KCTD1: variants seen among roughly 807,000 people sequenced by gnomAD.
The protein encoded by KCTD1 is potassium channel tetramerization domain containing 1.
KCTD1 carries 24 observed loss-of-function variants against 66.0 expected under a neutral mutation model. The ratio of observed to expected loss-of-function variants is 0.36; its 90% CI spans 0.26 to 0.51. KCTD1 has a LOEUF of 0.51. Among genes scored for constraint, KCTD1 ranks in the 20% least tolerant of loss-of-function variants. KCTD1 has a pLI of 0.95. For missense variants in KCTD1, 943 were observed against 1,205.2 expected (o/e 0.78, Z 3.22); for synonymous variants, 511 against 517.2 (o/e 0.99, Z 0.16).
chr18:26,655,573 CGAA>C (rs1382759323), intron 1 of KCTD1, among the ~76,000 whole-genome samples: 1 of 152,182 alleles, frequency 6.6e-6, no homozygotes, highest in Non-Finnish European at 1.5e-5. Context: ...CACCTTTTAG[CGAA>C]GAAGCCAGTG....
chr18:26,630,553 G>T (rs1312025424), upstream of KCTD1, among the ~76,000 whole-genome samples: 2 of 152,128 alleles, frequency 1.3e-5, no homozygotes, highest in African/African-American at 4.8e-5. Context: ...TGGACTCTTA[G>T]GAATTTGAGA....
chr18:26,631,427 A>G (rs888874320), upstream of KCTD1, among the ~76,000 whole-genome samples: 2 of 152,198 alleles, frequency 1.3e-5, no homozygotes, highest in Admixed American at 1.3e-4. Flanking sequence ...TGAATACTGT[A>G]GGCAATAGTA....
chr18:26,531,935 C>T (rs1984452400), intron 1 of KCTD1, among the ~76,000 whole-genome samples: 1 of 152,156 alleles, frequency 6.6e-6, no homozygotes, highest in Non-Finnish European at 1.5e-5. Context: ...CTTTTGATTC[C>T]ATCAGTAATA....
At chr18:26,593,853 GAA>G (rs1298173168) in intron 1 of KCTD1, among the ~76,000 whole-genome samples, 65 of 147,860 alleles carry the variant, frequency 4.4e-4, no homozygotes, top group African/African-American at 1.6e-3. Context: ...AGACAAGGAG[GAA>G]GAGGAGAACA....
intron 2 of KCTD1, among the ~76,000 whole-genome samples, chr18:26,496,740 GCACACACACACA>G (rs111233653): frequency 6.8e-6 from 1 of 148,094 alleles, no homozygotes; most frequent in Non-Finnish European, 1.5e-5. Context: ...AAAAGCATGT[GCACACACACACA>G]CACACACACA....
In KCTD1 at chr18:26,596,952, C is replaced by T. The variant is rs147875814; in HGVS notation, c.-16+32195G>A. On this transcript the variant is annotated intron_variant, in intron 1 of 4. Transcript: ENST00000317932. Reference sequence around the variant, plus strand: ...TGATTTCCTCTTTCCCATCCACTTTCCTTCTTGAAAAATTTGGTTGTAACA... The same window carrying T: ...TGATTTCCTCTTTCCCATCCACTTTTCTTCTTGAAAAATTTGGTTGTAACA... Among the ~76,000 whole-genome samples the T allele has an allele frequency of 3.1e-3, 479 of 152,148 alleles. 2 individuals are homozygous for T. Among genetic ancestry groups the T allele is most frequent in the African/African-American group, 0.011 (455 of 41,508 alleles).
At chr18:26,615,322 A>G (rs1987226337) in intron 1 of KCTD1, among the ~76,000 whole-genome samples, 2 of 152,172 alleles carry the variant, frequency 1.3e-5, no homozygotes, top group African/African-American at 4.8e-5. Flanking sequence ...TTTATGGAGC[A>G]AGGGTGGGTT....
intron 1 of KCTD1, among the ~76,000 whole-genome samples, chr18:26,528,420 A>T (rs1037707999): frequency 2.0e-5 from 3 of 151,822 alleles, no homozygotes; most frequent in African/African-American, 7.3e-5. Context: ...AAAGCCAATC[A>T]CTCCACCTGT....
chr18:26,585,133 A>G (rs1986444353), intron 1 of KCTD1, among the ~76,000 whole-genome samples: 1 of 152,142 alleles, frequency 6.6e-6, no homozygotes, highest in Non-Finnish European at 1.5e-5. Flanking sequence ...GGAGCCAAAG[A>G]GAAAAGTGAA....
At chr18:26,460,288 T>C (rs768634039) in intron 3 of KCTD1, among the ~76,000 whole-genome samples, 8 of 152,330 alleles carry the variant, frequency 5.3e-5, no homozygotes, top group Middle Eastern at 3.4e-3. Flanking sequence ...TTTCTTTTAG[T>C]AGAAAAAATG....
chr18:26,621,250 T>C lies in KCTD1; in HGVS notation c.-16+7897A>G, dbSNP rs151288431. ...TAAGGGTGCTACTTACTCGTTTGGA[T>C]GAATGTGGTCGGGTCCTCTGATTAT... On this transcript the variant is annotated intron_variant, in intron 1 of 4. Coordinates refer to the KCTD1 transcript ENST00000317932. 9.1e-3 allele frequency among the ~76,000 whole-genome samples: 1,381 copies of C among 152,302 alleles called. 28 individuals carry two copies. Among genetic ancestry groups the C allele is most frequent in the African/African-American group, 0.032 (1,317 of 41,560 alleles).
chr18:26,507,037 G>T (rs896055222), intron 1 of KCTD1, among the ~76,000 whole-genome samples: 4 of 152,088 alleles, frequency 2.6e-5, no homozygotes, highest in African/African-American at 9.7e-5. Flanking sequence ...GTGGTGGCAG[G>T]TGCCTGTAAT....
chr18:26,546,842 C>G lies in KCTD1; in HGVS notation c.1695G>C (p.Ala565=). ...LCIRPSEPVD[A]VVVVSVKHDP... ...CGTGTTTCACGGAAACCACCACCACCGCATCCACAGGCTCCGAGGGGCGGA... is the reference window on the plus strand; with the variant it reads ...CGTGTTTCACGGAAACCACCACCACGGCATCCACAGGCTCCGAGGGGCGGA... The change falls in exon 1 of 5, where the codon GCG becomes GCC. Residue 565 remains alanine (A), a synonymous_variant. Transcript: ENST00000580059. 6.6e-7 allele frequency: 1 copy of G among 1,525,130 alleles called. No homozygotes were observed. Among genetic ancestry groups the G allele is most frequent in the Non-Finnish European group, 8.8e-7 (1 of 1,136,802 alleles). 94.5% of individuals were successfully genotyped at this position (1,525,130 alleles called of 1,614,324 possible).
intron 1 of KCTD1, among the ~76,000 whole-genome samples, chr18:26,613,168 A>G (rs1464880723): frequency 6.6e-6 from 1 of 152,324 alleles, no homozygotes; most frequent in Middle Eastern, 3.4e-3. Flanking sequence ...GACTCAGCAC[A>G]CTGAGGATTG....
chr18:26,634,376 G>A (rs187647904), intron 1 of KCTD1, among the ~76,000 whole-genome samples: 12 of 152,134 alleles, frequency 7.9e-5, no homozygotes, highest in African/African-American at 2.4e-5. Context: ...GTGAAACAAC[G>A]ATCCCAACCT....
intron 3 of KCTD1, among the ~76,000 whole-genome samples, chr18:26,461,494 T>C (rs1174760258): frequency 1.3e-5 from 2 of 152,232 alleles, no homozygotes; most frequent in African/African-American, 4.8e-5. Context: ...GATACTGTTT[T>C]GCTTTAAGGA....
intron 1 of KCTD1, among the ~76,000 whole-genome samples, chr18:26,606,467 C>T (rs1244403798): frequency 1.3e-5 from 2 of 152,178 alleles, no homozygotes; most frequent in African/African-American, 2.4e-5. Context: ...CACTACCCCA[C>T]TCTTTGAATC....
chr18:26,619,767 A>G (rs1987332719), intron 1 of KCTD1, among the ~76,000 whole-genome samples: 1 of 152,174 alleles, frequency 6.6e-6, no homozygotes, highest in Non-Finnish European at 1.5e-5. Context: ...TCCTTGGACT[A>G]CAAGGGGAGC....
chr18:26,455,246 GA>G lies in KCTD1; in HGVS notation c.*496del, dbSNP rs1979990425. ...AAGTCCTGCCTGGTCCCTGCCTAAA[GA>G]AAGACGTGGAACCTCCATATACAAA... On this transcript the variant is annotated 3_prime_UTR_variant, in exon 5 of 5. Coordinates refer to ENST00000580059, the MANE Select transcript of KCTD1 (RefSeq NM_001142730.3). 3 of 152,742 alleles carry G rather than the reference GA, an allele frequency of 2.0e-5. No individual in the cohort carries two copies. The South Asian group carries it at 6.2e-4, about 32-fold the overall frequency. 9.5% of individuals were successfully genotyped at this position (152,742 alleles called of 1,614,324 possible).
Sources: gnomAD v4.1 joint callset for allele counts (sites outside exome capture counted in the v4.1 genomes callset) on GRCh38, gnomAD v4.1.1 for gene constraint, MANE v1.5 for transcripts, NCBI Gene and HGNC (gene_info 2026-07-23, HGNC 2026-07-21) for gene names.